Variants in POC1B observed in about 807,000 individuals in gnomAD.
POC1B encodes POC1 centriolar protein B.
Under a neutral mutation model 60.6 loss-of-function variants are expected in POC1B, and 44 were observed. The ratio of observed to expected loss-of-function variants is 0.73; its 90% CI spans 0.57 to 0.93. The LOEUF is 0.93. Ranked by LOEUF, POC1B falls within the 40% of genes least tolerant of loss-of-function variation. The pLI is 0.00. For missense variants in POC1B, 555 were observed against 572.3 expected (o/e 0.97, Z 0.31); for synonymous variants, 180 against 198.9 (o/e 0.90, Z 0.80).
chr12:89,500,874 G>T, intron 2 of POC1B: 5 of 1,070,828 alleles, frequency 4.7e-6, no homozygotes, highest in Non-Finnish European at 5.5e-6. Context: ...TCAATGACAA[G>T]CTAAAAAAAG....
At chr12:89,443,764 T>C (rs1881639777) in intron 10 of POC1B, among the ~76,000 whole-genome samples, 1 of 151,736 alleles carries the variant, frequency 6.6e-6, no homozygotes, top group African/African-American at 2.4e-5. Flanking sequence ...AGAGCAGAAC[T>C]GAAGGAGATA....
Position 89,459,678 on chromosome 12 carries a change from G to T in POC1B, c.1073C>A (p.Thr358Asn). ...KLEVIDLQIS[T>N]PPVMDILSFD... ...AGAAAGGATATCCATAACAGGGGGA[G>T]TAGAGATCTGCAAATCGATTACCTC... The change falls in exon 10 of 12, where the codon ACT (threonine) becomes AAT (asparagine). Residue 358 changes from threonine (T) to asparagine (N), a missense_variant. Coordinates refer to ENST00000313546, the MANE Select transcript of POC1B (RefSeq NM_172240.3). The T allele has an allele frequency of 6.5e-7, 1 of 1,537,218 alleles. No individual in the cohort carries two copies. The highest frequency in any genetic ancestry group is 8.8e-7 in the Non-Finnish European group (1 of 1,141,712).
chr12:89,513,617 A>G (rs986985219), intron 2 of POC1B, among the ~76,000 whole-genome samples: 1 of 152,220 alleles, frequency 6.6e-6, no homozygotes, highest in Admixed American at 6.5e-5. Context: ...CCTAATGGAA[A>G]AGGGTATGGT....
At chr12:89,409,637 G>T in the POC1B span, among the ~76,000 whole-genome samples, 3 of 152,100 alleles carry the variant, frequency 2.0e-5, no homozygotes, top group African/African-American at 7.2e-5. Context: ...CCACTGATCC[G>T]ACAGAAACAC....
At chr12:89,417,261 C>T (rs1880379389), downstream of POC1B, among the ~76,000 whole-genome samples, 1 of 152,208 alleles carries the variant, frequency 6.6e-6, no homozygotes, top group Non-Finnish European at 1.5e-5. Context: ...TGTAAGCAAA[C>T]TGAAACCTAA....
intron 10 of POC1B, among the ~76,000 whole-genome samples, chr12:89,444,793 T>A (rs374608983): frequency 1.3e-5 from 2 of 152,124 alleles, no homozygotes; most frequent in African/African-American, 4.8e-5. Flanking sequence ...GGGTATTCAA[T>A]TAGGAAAAGA....
chr12:89,524,779 A>C (rs1871274136), intron 2 of POC1B: 3 of 625,442 alleles, frequency 4.8e-6, no homozygotes, highest in Non-Finnish European at 8.4e-6. Flanking sequence ...TGCTCGGCTC[A>C]CAACTTTTCA....
chr12:89,491,796 C>A (rs776643737), intron 4 of POC1B, 140 bp downstream of exon 4: 1 of 629,526 alleles, frequency 1.6e-6, no homozygotes, highest in Non-Finnish European at 2.5e-6. Flanking sequence ...TACTACCGTT[C>A]CCGCACAAAG....
At chr12:89,472,135 A>G (rs1882923687) in intron 5 of POC1B, 33 bp downstream of exon 5, 1 of 1,342,716 alleles carries the variant, frequency 7.4e-7, no homozygotes, top group Admixed American at 2.0e-5. Context: ...TAGAAAACTA[A>G]CCCACATAAA....
rs751519644 is a variant in POC1B at position 89,459,622 on chromosome 12, A to AAC, written c.1113+15_1113+16insGT. ...GCCACTTAAGTGTCAAAAAAAAAAA[A>AAC]AAAAACCCGACTTACTGTGGTAGAA... On this transcript the variant is annotated intron_variant, in intron 10 of 11. Transcript: ENST00000313546. 2 of 1,388,758 alleles carry AAC rather than the reference A, an allele frequency of 1.4e-6. No homozygotes were observed. Among genetic ancestry groups the AAC allele is most frequent in the Non-Finnish European group, 1.9e-6 (2 of 1,028,930 alleles). 86.0% of individuals were successfully genotyped at this position (1,388,758 alleles called of 1,614,324 possible). A position where few individuals can be genotyped will look rare whatever the true frequency, so the allele number is the denominator to read the frequency against.
chr12:89,462,612 C>T (rs952274603), intron 9 of POC1B, among the ~76,000 whole-genome samples: 1 of 152,102 alleles, frequency 6.6e-6, no homozygotes, highest in Non-Finnish European at 1.5e-5. Context: ...AGTACAACGT[C>T]CAGCACACAG....
chr12:89,403,681 C>T, the POC1B span, among the ~76,000 whole-genome samples: 1 of 152,260 alleles, frequency 6.6e-6, no homozygotes, highest in East Asian at 1.9e-4. Context: ...TCTAAGCTAC[C>T]ATTTCCCGGC....
In POC1B at chr12:89,502,475, A is replaced by G. The variant is rs1869623376; in HGVS notation, c.101-5133T>C. The G allele has an allele frequency of 7.9e-6, 9 of 1,139,942 alleles. No homozygotes were observed. The South Asian group carries it at 1.2e-4, about 15-fold the overall frequency. The allele number at this position is 1,139,942 out of a possible 1,614,324, so 70.6% of individuals were successfully genotyped here. On this transcript the variant is annotated intron_variant, in intron 2 of 11. Coordinates refer to ENST00000313546, the MANE Select transcript of POC1B (RefSeq NM_172240.3). ...AGGAAGGCAAGAGAAAATATTGGAAAAGTTGACAAAAAAATCTAATAAGAA... is the reference window on the plus strand; with the variant it reads ...AGGAAGGCAAGAGAAAATATTGGAAGAGTTGACAAAAAAATCTAATAAGAA...
chr12:89,453,459 CAT>C (rs1336162896), intron 10 of POC1B, among the ~76,000 whole-genome samples: 1 of 152,110 alleles, frequency 6.6e-6, no homozygotes, highest in Non-Finnish European at 1.5e-5. Context: ...ACAGGAGAAA[CAT>C]ACCGCAGAGC....
chr12:89,408,467 T>A, the POC1B span, among the ~76,000 whole-genome samples: 2 of 151,564 alleles, frequency 1.3e-5, no homozygotes, highest in African/African-American at 4.8e-5. Context: ...CTCCAGCATG[T>A]GTTGTTTCCT....
the POC1B span, among the ~76,000 whole-genome samples, chr12:89,405,127 A>G: frequency 5.5e-4 from 84 of 152,364 alleles, 1 homozygote; most frequent in Non-Finnish European, 7.3e-5. Context: ...GATCTACCCC[A>G]TGGAACGCAA....
intron 2 of POC1B, chr12:89,500,162 C>T (rs1869480708): frequency 5.6e-6 from 9 of 1,593,274 alleles, no homozygotes; most frequent in Non-Finnish European, 6.0e-6. Flanking sequence ...TTCCAGGGCA[C>T]GTGACATTAA....
chr12:89,446,817 G>A (rs981523736), intron 10 of POC1B, among the ~76,000 whole-genome samples: 1 of 152,052 alleles, frequency 6.6e-6, no homozygotes, highest in African/African-American at 2.4e-5. Context: ...GCATGAAATA[G>A]GTTGTTATAG....
At chr12:89,491,130 C>T (rs1266271704) in intron 4 of POC1B, among the ~76,000 whole-genome samples, 1 of 152,182 alleles carries the variant, frequency 6.6e-6, no homozygotes, top group Admixed American at 6.5e-5. Context: ...CATCCCCACC[C>T]ACCCTCACCT....
Sources: gnomAD v4.1 joint callset for allele counts (sites outside exome capture counted in the v4.1 genomes callset) on GRCh38, gnomAD v4.1.1 for gene constraint, MANE v1.5 for transcripts, NCBI Gene and HGNC (gene_info 2026-07-23, HGNC 2026-07-21) for gene names.